The following OPCML variants were observed in gnomAD, a reference collection of about 807,000 sequenced individuals.
The protein encoded by OPCML is opioid-binding protein/cell adhesion molecule.
Under a neutral mutation model 37.8 loss-of-function variants are expected in OPCML, and 13 were observed. The observed-to-expected ratio is 0.34, with a 90% CI of 0.22 to 0.55. OPCML has a LOEUF of 0.55. Ranked by LOEUF, OPCML falls within the 20% of genes least tolerant of loss-of-function variation. OPCML has a pLI of 0.91. For synonymous variants in OPCML, 176 were observed against 168.8 expected (o/e 1.04, Z -0.33); for missense variants, 341 against 435.6 (o/e 0.78, Z 1.93).
intron 1 of OPCML, among the ~76,000 whole-genome samples, chr11:133,202,801 C>T (rs1334794447): frequency 6.6e-6 from 1 of 152,260 alleles, no homozygotes; most frequent in Non-Finnish European, 1.5e-5. Flanking sequence ...TGCTTCATCT[C>T]ACAGACATCT....
chr11:133,091,993 A>G (rs1443847922), intron 1 of OPCML, among the ~76,000 whole-genome samples: 1 of 152,148 alleles, frequency 6.6e-6, no homozygotes, highest in African/African-American at 2.4e-5. Context: ...TTAATTTCCA[A>G]TGTGATAGCT....
At chr11:132,728,291 T>A (rs1944957171) in intron 2 of OPCML, among the ~76,000 whole-genome samples, 3 of 152,104 alleles carry the variant, frequency 2.0e-5, no homozygotes, top group Admixed American at 1.3e-4. Context: ...AGGAGTCTCA[T>A]AAATCATTCC....
chr11:133,473,923 C>G (rs1947176091), intron 1 of OPCML, among the ~76,000 whole-genome samples: 1 of 152,172 alleles, frequency 6.6e-6, no homozygotes, highest in Non-Finnish European at 1.5e-5. Context: ...CAGAGTAACA[C>G]TTTAATAAAG....
intron 4 of OPCML, among the ~76,000 whole-genome samples, chr11:132,484,644 A>T (rs1283417904): frequency 6.6e-6 from 1 of 152,170 alleles, no homozygotes; most frequent in Non-Finnish European, 1.5e-5. Flanking sequence ...CATTATTCAC[A>T]ATAGCAAAGA....
At chr11:133,226,430 G>C (rs1630675) in intron 1 of OPCML, among the ~76,000 whole-genome samples, 72,557 of 152,146 alleles carry the variant, frequency 0.48, 20,251 homozygotes, top group Non-Finnish European at 0.63. Context: ...GTGATCCAAA[G>C]AGCCTACTAT....
chr11:132,664,500 G>A (rs2135795759), intron 2 of OPCML, among the ~76,000 whole-genome samples: 1 of 152,118 alleles, frequency 6.6e-6, no homozygotes, highest in Admixed American at 6.5e-5. Context: ...AGAGTTAATT[G>A]AATTTTTGCT....
intron 1 of OPCML, among the ~76,000 whole-genome samples, chr11:133,275,155 C>A (rs563644285): frequency 6.6e-6 from 1 of 152,254 alleles, no homozygotes; most frequent in South Asian, 2.1e-4. Context: ...TAAATTGGAT[C>A]AATTGTCCAC....
At chr11:132,459,741 TAA>T (rs34228447) in intron 4 of OPCML, among the ~76,000 whole-genome samples, 4 of 151,082 alleles carry the variant, frequency 2.6e-5, no homozygotes, top group South Asian at 2.1e-4. Context: ...ATACGAAAGT[TAA>T]AAAAAAAATC....
chr11:132,769,794 A>G (rs1473810711), intron 2 of OPCML, among the ~76,000 whole-genome samples: 1 of 152,156 alleles, frequency 6.6e-6, no homozygotes, highest in Non-Finnish European at 1.5e-5. Context: ...GACAAACACA[A>G]CTTACATCTC....
Position 132,658,565 on chromosome 11 carries a change from G to T in OPCML, c.147-1246C>A, listed in dbSNP as rs569923324. On this transcript the variant is annotated intron_variant, in intron 2 of 7. Coordinates refer to ENST00000524381, the MANE Select transcript of OPCML (RefSeq NM_001012393.5). ...TCTAGGGCGGTCCTCTCCCTGGTTG[G>T]TAGGAAGAATAAAAGCAATACCAGC... Among the ~76,000 whole-genome samples, 15 of 152,312 alleles carry T rather than the reference G, an allele frequency of 9.8e-5. No individual in the cohort carries two copies. The South Asian group carries it at 3.1e-3, about 32-fold the overall frequency.
chr11:133,008,872 A>C (rs1591906471), intron 1 of OPCML: 1 of 985,338 alleles, frequency 1.0e-6, no homozygotes, highest in South Asian at 4.7e-5. Flanking sequence ...CATGGAGCCC[A>C]ACCTAATATA....
intron 4 of OPCML, among the ~76,000 whole-genome samples, chr11:132,480,993 C>A (rs57355412): frequency 1.3e-5 from 2 of 151,446 alleles, no homozygotes; most frequent in Non-Finnish European, 2.9e-5. Flanking sequence ...AACATCATAA[C>A]GACAGGATCA....
chr11:132,944,625 G>A (rs1217825759), intron 1 of OPCML, among the ~76,000 whole-genome samples: 1 of 152,244 alleles, frequency 6.6e-6, no homozygotes, highest in Non-Finnish European at 1.5e-5. Context: ...CTAAAAAGTA[G>A]TAGGACTGAT....
At chr11:132,600,001 A>G (rs73049171) in intron 3 of OPCML, among the ~76,000 whole-genome samples, 4,711 of 152,254 alleles carry the variant, frequency 0.031, 138 homozygotes, top group East Asian at 0.056. Flanking sequence ...AATACAGTGC[A>G]ATCAATAAAA....
intron 1 of OPCML, among the ~76,000 whole-genome samples, chr11:133,050,858 T>C (rs897430213): frequency 1.3e-5 from 2 of 152,164 alleles, no homozygotes; most frequent in Admixed American, 6.5e-5. Context: ...ATTAGGAGGC[T>C]TAATTATTCA....
At chr11:133,218,849 C>T (rs917404868) in intron 1 of OPCML, among the ~76,000 whole-genome samples, 1 of 152,160 alleles carries the variant, frequency 6.6e-6, no homozygotes, top group African/African-American at 2.4e-5. Flanking sequence ...TACATGGACC[C>T]TTACTAGAGG....
At chr11:133,091,604 G>A (rs1948907523) in intron 1 of OPCML, among the ~76,000 whole-genome samples, 1 of 152,188 alleles carries the variant, frequency 6.6e-6, no homozygotes, top group Non-Finnish European at 1.5e-5. Context: ...AATGTCGTTT[G>A]CCCTAGAGTT....
chr11:133,381,023 G>T (rs1278250076), intron 1 of OPCML, among the ~76,000 whole-genome samples: 2 of 152,234 alleles, frequency 1.3e-5, no homozygotes, highest in Non-Finnish European at 2.9e-5. Flanking sequence ...AGGAAATAGG[G>T]TTAAATGTGT....
intron 2 of OPCML, among the ~76,000 whole-genome samples, chr11:132,940,073 C>G (rs371618452): frequency 6.6e-6 from 1 of 152,148 alleles, no homozygotes; most frequent in African/African-American, 2.4e-5. Flanking sequence ...TTACAGAAAA[C>G]GAGTTTCATC....
Sources: gnomAD v4.1 joint callset for allele counts (sites outside exome capture counted in the v4.1 genomes callset) on GRCh38, gnomAD v4.1.1 for gene constraint, MANE v1.5 for transcripts, NCBI Gene and HGNC (gene_info 2026-07-23, HGNC 2026-07-21) for gene names.